Variants in CDKAL1 observed in about 807,000 individuals in gnomAD.
CDKAL1 encodes the protein CDKAL1 threonylcarbamoyladenosine tRNA methylthiotransferase.
A neutral mutation model predicts 68.2 loss-of-function variants in CDKAL1; 32 were observed. The ratio of observed to expected loss-of-function variants is 0.47; its 90% CI spans 0.35 to 0.63. CDKAL1 has a LOEUF of 0.63. CDKAL1 is among the 30% of genes least tolerant of loss of function. CDKAL1 has a pLI of 0.00. For missense variants in CDKAL1, 606 were observed against 696.7 expected, an observed-to-expected ratio of 0.87 and a Z score of 1.47; for synonymous variants, 234 against 244.3, an observed-to-expected ratio of 0.96 and a Z score of 0.39.
intron 15 of CDKAL1, among the ~76,000 whole-genome samples, chr6:21,220,188 T>TCGTG (rs35663664): frequency 2.7e-4 from 40 of 148,988 alleles, no homozygotes; most frequent in South Asian, 1.5e-3. Flanking sequence ...ATGTTAAAGC[T>TCGTG]CGTGCGTGCG....
At chr6:21,033,384 A>G (rs1483972544) in intron 11 of CDKAL1, among the ~76,000 whole-genome samples, 2 of 152,122 alleles carry the variant, frequency 1.3e-5, no homozygotes, top group African/African-American at 4.8e-5. Context: ...GATGGAACAG[A>G]TGAGTTAATG....
chr6:20,767,617 G>C (rs1348786793), intron 7 of CDKAL1, among the ~76,000 whole-genome samples: 5 of 152,070 alleles, frequency 3.3e-5, no homozygotes, highest in African/African-American at 9.7e-5. Flanking sequence ...AATTGTATTT[G>C]ATAATTGGAA....
intron 15 of CDKAL1, among the ~76,000 whole-genome samples, chr6:21,219,407 T>A (rs1195838904): frequency 6.6e-6 from 1 of 152,214 alleles, no homozygotes; most frequent in African/African-American, 2.4e-5. Context: ...TTTTGTGGAA[T>A]TTTTCCCCCC....
At chr6:20,578,666 TAC>T (rs1397311512) in intron 4 of CDKAL1, among the ~76,000 whole-genome samples, 2 of 152,234 alleles carry the variant, frequency 1.3e-5, no homozygotes, top group African/African-American at 4.8e-5. Flanking sequence ...CTCAGTGCTT[TAC>T]ACACATTATC....
intron 11 of CDKAL1, among the ~76,000 whole-genome samples, chr6:21,033,061 C>T (rs545563652): frequency 2.0e-5 from 3 of 152,214 alleles, no homozygotes; most frequent in South Asian, 2.1e-4. Flanking sequence ...CAACAAAGCA[C>T]GTTCGTTTGC....
intron 15 of CDKAL1, among the ~76,000 whole-genome samples, chr6:21,212,807 T>A (rs542391776): frequency 1.3e-5 from 2 of 152,326 alleles, no homozygotes; most frequent in Admixed American, 1.3e-4. Flanking sequence ...ACAAATTTTC[T>A]CCTGTCCCTC....
intron 12 of CDKAL1, among the ~76,000 whole-genome samples, chr6:21,067,449 C>T (rs565766333): frequency 2.0e-4 from 30 of 152,156 alleles, no homozygotes; most frequent in African/African-American, 7.0e-4. Flanking sequence ...ACAGTTTATT[C>T]ATCCTATTGA....
rs186357027 is a variant in CDKAL1 at position 20,743,880 on chromosome 6, A to G, written c.468+4265A>G. ...AGAGAGAACAGATTTGAAAACATGT[A>G]TGTCTTGAATAAAAAGTTTTAGCCA... On this transcript the variant is annotated intron_variant, in intron 6 of 15. Transcript: ENST00000274695. Among the ~76,000 whole-genome samples the G allele has an allele frequency of 9.8e-5, 15 of 152,330 alleles. No individual in the cohort carries two copies. The East Asian group carries it at 2.9e-3, about 29-fold the overall frequency.
chr6:20,753,805 C>T (rs1774040040), intron 6 of CDKAL1, among the ~76,000 whole-genome samples: 1 of 152,110 alleles, frequency 6.6e-6, no homozygotes, highest in Non-Finnish European at 1.5e-5. Flanking sequence ...CTAGGATTGA[C>T]ATTACTAAAT....
In CDKAL1 at chr6:20,939,739, G is replaced by T. The variant is rs529154736; in HGVS notation, c.743-15680G>T. ...TTTATGGAGGGGGGATTGAGAGATG[G>T]TGTTTTTATCAAGTTAACAGGAGTG... is the stretch of plus-strand genomic sequence containing the variant. On this transcript the variant is annotated intron_variant, in intron 9 of 15. Coordinates refer to ENST00000274695, the MANE Select transcript of CDKAL1 (RefSeq NM_017774.3). 7.2e-5 allele frequency among the ~76,000 whole-genome samples: 11 copies of T among 152,196 alleles called. No individual in the cohort carries two copies. The South Asian group carries it at 1.9e-3, about 26-fold the overall frequency.
chr6:20,550,783 A>G (rs1159472635), intron 4 of CDKAL1, among the ~76,000 whole-genome samples: 1 of 147,544 alleles, frequency 6.8e-6, no homozygotes, highest in Non-Finnish European at 1.5e-5. Flanking sequence ...TGCTTTATGT[A>G]TGTTATCTTG....
At chr6:20,598,709 G>A (rs1031547777) in intron 4 of CDKAL1, among the ~76,000 whole-genome samples, 2 of 152,042 alleles carry the variant, frequency 1.3e-5, no homozygotes, top group African/African-American at 4.8e-5. Context: ...TTAGAATGAA[G>A]GTAATTAAAA....
chr6:21,130,413 C>T (rs561081167), intron 13 of CDKAL1, among the ~76,000 whole-genome samples: 16 of 152,018 alleles, frequency 1.1e-4, no homozygotes, highest in African/African-American at 3.9e-4. Context: ...TTAGTAGAAA[C>T]GGGGTTTCAC....
chr6:20,739,489 A>G (rs1773348732), intron 5 of CDKAL1, 30 bp from the exon 6 acceptor site: 2 of 1,417,488 alleles, frequency 1.4e-6, no homozygotes, highest in African/African-American at 2.8e-5. Context: ...GAGCAAAGGA[A>G]TTCACATTGT....
chr6:20,896,376 G>A (rs945120585), intron 9 of CDKAL1, among the ~76,000 whole-genome samples: 1 of 152,024 alleles, frequency 6.6e-6, no homozygotes, highest in African/African-American at 2.4e-5. Flanking sequence ...GGGATTACAG[G>A]TGTGAGCCAC....
rs1371656297 is a variant in CDKAL1 at position 21,111,974 on chromosome 6, A to G, written c.1299+3511A>G. ...TTTTAATAAACAGGTAATGAACATAACTTGTATTATAGTTTCTGAAACACC... is the reference window on the plus strand; with the variant it reads ...TTTTAATAAACAGGTAATGAACATAGCTTGTATTATAGTTTCTGAAACACC... On this transcript the variant is annotated intron_variant, in intron 13 of 15. Transcript: ENST00000274695. Among the ~76,000 whole-genome samples the G allele has an allele frequency of 2.6e-5, 4 of 152,168 alleles. No homozygotes were observed. In the East Asian group the frequency reaches 5.8e-4, roughly 22 times the overall value.
At position 20,784,412 on chromosome 6, in the gene CDKAL1, CTTTTTTTTTT is replaced by C. The variant is rs1175015329; in HGVS notation, c.638+3167_638+3176del. Among the ~76,000 whole-genome samples the C allele has an allele frequency of 5.0e-3, 167 of 33,474 alleles. 2 individuals carry two copies. Among genetic ancestry groups the C allele is most frequent in the Middle Eastern group, 0.025 (1 of 40 alleles). 22.0% of individuals were successfully genotyped at this position (33,474 alleles called of 152,430 possible). ...TTTTTTTCTTCCAGATATTTTATTT[CTTTTTTTTTT>C]TTTTTTTTTTTTTTTTTTTGAGACA... On this transcript the variant is annotated intron_variant, in intron 8 of 15. Coordinates refer to ENST00000274695, the MANE Select transcript of CDKAL1 (RefSeq NM_017774.3).
intron 7 of CDKAL1, among the ~76,000 whole-genome samples, chr6:20,777,194 A>G (rs574771315): frequency 6.6e-6 from 1 of 152,342 alleles, no homozygotes; most frequent in East Asian, 1.9e-4. Context: ...TTTGTAAGAA[A>G]TACTGAAAGT....
intron 13 of CDKAL1, among the ~76,000 whole-genome samples, chr6:21,160,709 A>G (rs1276115324): frequency 2.7e-5 from 4 of 146,610 alleles, no homozygotes; most frequent in African/African-American, 7.5e-5. Flanking sequence ...ATATGTATAT[A>G]TATTTTTTAA....
Sources: gnomAD v4.1 joint callset for allele counts (sites outside exome capture counted in the v4.1 genomes callset) on GRCh38, gnomAD v4.1.1 for gene constraint, MANE v1.5 for transcripts, NCBI Gene and HGNC (gene_info 2026-07-23, HGNC 2026-07-21) for gene names.